Variants in GALNT17 observed in about 807,000 individuals in gnomAD.
The protein encoded by GALNT17 is UDP-GalNAc:polypeptide N-acetylgalactosaminyltransferase-like 3.
GALNT17 carries 29 observed loss-of-function variants against 63.7 expected under a neutral mutation model. That is an observed-to-expected ratio of 0.46 (90% CI 0.34 to 0.62). The LOEUF (loss-of-function observed/expected upper bound fraction) is 0.62, where lower values mean the gene tolerates loss of function less well. GALNT17 is among the 20% of genes least tolerant of loss of function. GALNT17 has a pLI of 0.01. For synonymous variants in GALNT17, 305 were observed against 318.3 expected, an observed-to-expected ratio of 0.96 and a Z score of 0.45; for missense variants, 603 against 799.6, an observed-to-expected ratio of 0.75 and a Z score of 2.97.
At chr7:71,251,151 A>G (rs1790190655) in intron 1 of GALNT17, among the ~76,000 whole-genome samples, 1 of 151,622 alleles carries the variant, frequency 6.6e-6, no homozygotes, top group Non-Finnish European at 1.5e-5. Flanking sequence ...ATATCTCCTA[A>G]TGCTATCCCT....
chr7:71,155,887 A>C (rs1788226384), intron 1 of GALNT17, among the ~76,000 whole-genome samples: 1 of 151,824 alleles, frequency 6.6e-6, no homozygotes, highest in African/African-American at 2.4e-5. Flanking sequence ...CTTTTCCTGG[A>C]GTGAGAACTT....
chr7:71,383,364 T>C (rs761074960), intron 2 of GALNT17, among the ~76,000 whole-genome samples: 3 of 152,220 alleles, frequency 2.0e-5, no homozygotes, highest in Non-Finnish European at 4.4e-5. Flanking sequence ...CTTTAAATCA[T>C]CTCTAGATTA....
intron 5 of GALNT17, among the ~76,000 whole-genome samples, chr7:71,565,570 C>T (rs1459586128): frequency 6.9e-6 from 1 of 145,058 alleles, no homozygotes; most frequent in Non-Finnish European, 1.5e-5. Flanking sequence ...TCATGGTGCT[C>T]TTCCCTACCA....
intron 9 of GALNT17, among the ~76,000 whole-genome samples, chr7:71,707,527 T>C (rs1208831953): frequency 1.3e-5 from 2 of 152,160 alleles, no homozygotes; most frequent in African/African-American, 4.8e-5. Context: ...CCCCAAAACG[T>C]AGTGGCTTAA....
In GALNT17 at chr7:71,425,630, C is replaced by T. The variant is rs545271020; in HGVS notation, c.962+4525C>T. ...AAAACTTCAAGGCCCCAACCACATGCGTCTAGACTGCATTTGACCACCCGG... is the reference window on the plus strand; with the variant it reads ...AAAACTTCAAGGCCCCAACCACATGTGTCTAGACTGCATTTGACCACCCGG... On this transcript the variant is annotated intron_variant, in intron 5 of 10. Coordinates refer to ENST00000333538, the MANE Select transcript of GALNT17 (RefSeq NM_022479.3). Among the ~76,000 whole-genome samples the T allele has an allele frequency of 8.5e-5, 13 of 152,276 alleles. No individual in the cohort carries two copies. In the South Asian group the frequency reaches 1.9e-3, roughly 22 times the overall value.
chr7:71,484,167 A>G (rs1376955177), intron 5 of GALNT17, among the ~76,000 whole-genome samples: 2 of 152,208 alleles, frequency 1.3e-5, no homozygotes, highest in Non-Finnish European at 1.5e-5. Flanking sequence ...TACAGAAACC[A>G]TTAGGTCTTT....
At chr7:71,423,469 G>A (rs1434560836) in intron 5 of GALNT17, among the ~76,000 whole-genome samples, 1 of 152,200 alleles carries the variant, frequency 6.6e-6, no homozygotes, top group African/African-American at 2.4e-5. Flanking sequence ...AGTAGGGAGA[G>A]GCAGGAGAGG....
In GALNT17 at chr7:71,701,883, A is replaced by G. The variant is rs1099473; in HGVS notation, c.1501-8878A>G. Among the ~76,000 whole-genome samples the G allele has an allele frequency of 4.1e-3, 419 of 101,554 alleles. 4 individuals carry two copies. The highest frequency in any genetic ancestry group is 0.011 in the African/African-American group (251 of 23,684). 66.6% of individuals were successfully genotyped at this position (101,554 alleles called of 152,430 possible). A position where few individuals can be genotyped will look rare whatever the true frequency, so the allele number is the denominator to read the frequency against. Reference sequence around the variant, plus strand: ...CATATATATATACATATATATATGTATATATATATATACACATATATATAT... The same window carrying G: ...CATATATATATACATATATATATGTGTATATATATATACACATATATATAT... On this transcript the variant is annotated intron_variant, in intron 9 of 10. Coordinates refer to ENST00000333538, the MANE Select transcript of GALNT17 (RefSeq NM_022479.3).
chr7:71,576,529 T>TTGTGTGTGTGTG (rs3048366), intron 6 of GALNT17, among the ~76,000 whole-genome samples: 3,827 of 142,840 alleles, frequency 0.027, 71 homozygotes, highest in Middle Eastern at 0.054. Flanking sequence ...TTTTTTAACT[T>TTGTGTGTGTGTG]TGTGTGTGTG....
At chr7:71,141,410 G>C (rs1285116662) in intron 1 of GALNT17, among the ~76,000 whole-genome samples, 1 of 151,916 alleles carries the variant, frequency 6.6e-6, no homozygotes, top group South Asian at 2.1e-4. Context: ...GACAGACTGG[G>C]TTTGATTTCC....
At chr7:71,561,430 A>G (rs965021694) in intron 5 of GALNT17, among the ~76,000 whole-genome samples, 1 of 152,188 alleles carries the variant, frequency 6.6e-6, no homozygotes, top group Admixed American at 6.5e-5. Flanking sequence ...TCATACCAGG[A>G]CAACTCCAGG....
Position 71,626,582 on chromosome 7 carries a change from A to G in GALNT17, c.1081-38829A>G, listed in dbSNP as rs114612171. On this transcript the variant is annotated intron_variant, in intron 6 of 10. Coordinates refer to ENST00000333538, the MANE Select transcript of GALNT17 (RefSeq NM_022479.3). ...TAATTGCTCTAGAAGCTGAATGACC[A>G]CTATTTGGAGATGTAAGCTAAAGAT... 5.5e-3 allele frequency among the ~76,000 whole-genome samples: 837 copies of G among 152,296 alleles called. 16 individuals carry two copies. Among genetic ancestry groups the G allele is most frequent in the African/African-American group, 0.019 (770 of 41,570 alleles).
chr7:71,420,682 T>C (rs545137573), intron 4 of GALNT17, among the ~76,000 whole-genome samples: 1 of 152,270 alleles, frequency 6.6e-6, no homozygotes, highest in Non-Finnish European at 1.5e-5. Flanking sequence ...CTCTAGTGAT[T>C]CCAACAAGGG....
intron 6 of GALNT17, among the ~76,000 whole-genome samples, chr7:71,647,229 A>ATTTTTTTTT (rs5884850): frequency 1.2e-4 from 16 of 137,532 alleles, no homozygotes; most frequent in African/African-American, 3.7e-4. Context: ...GTGCCCAGCT[A>ATTTTTTTTT]TTTTTTTTTT....
At chr7:71,361,139 A>G (rs1163298496) in intron 2 of GALNT17, among the ~76,000 whole-genome samples, 1 of 152,178 alleles carries the variant, frequency 6.6e-6, no homozygotes, top group Non-Finnish European at 1.5e-5. Context: ...AATTTCTGGT[A>G]TGCAGTGCTG....
At chr7:71,385,430 A>G (rs1390364642) in intron 2 of GALNT17, among the ~76,000 whole-genome samples, 2 of 152,188 alleles carry the variant, frequency 1.3e-5, no homozygotes, top group African/African-American at 2.4e-5. Context: ...CTTGGTGCAC[A>G]GTGGCTGAAG....
intron 6 of GALNT17, among the ~76,000 whole-genome samples, chr7:71,651,071 A>C (rs779506001): frequency 1.3e-5 from 2 of 152,084 alleles, no homozygotes; most frequent in Non-Finnish European, 2.9e-5. Context: ...ATACTTACTT[A>C]GTTGAAGCTG....
chr7:71,439,685 T>A (rs1042496875), intron 5 of GALNT17, among the ~76,000 whole-genome samples: 5 of 152,206 alleles, frequency 3.3e-5, no homozygotes, highest in Admixed American at 1.3e-4. Flanking sequence ...TAAGGATTTT[T>A]AAAAATGGAG....
At chr7:71,662,770 A>G (rs1361809389) in intron 6 of GALNT17, among the ~76,000 whole-genome samples, 4 of 152,212 alleles carry the variant, frequency 2.6e-5, no homozygotes, top group Non-Finnish European at 5.9e-5. Flanking sequence ...GCATTAATCA[A>G]TTGTTGGGAC....
Sources: gnomAD v4.1 joint callset for allele counts (sites outside exome capture counted in the v4.1 genomes callset) on GRCh38, gnomAD v4.1.1 for gene constraint, MANE v1.5 for transcripts, NCBI Gene and HGNC (gene_info 2026-07-23, HGNC 2026-07-21) for gene names.